Variants in ZFAT observed in about 807,000 individuals in gnomAD.
The protein encoded by ZFAT is zinc finger protein ZFAT.
In ZFAT, 64 loss-of-function variants were observed where a neutral mutation model predicts 117.7. That is an observed-to-expected ratio of 0.54 (90% CI 0.44 to 0.67). The LOEUF (loss-of-function observed/expected upper bound fraction) is 0.67, where lower values mean the gene tolerates loss of function less well. Ranked by LOEUF, ZFAT falls within the 30% of genes least tolerant of loss-of-function variation. The pLI, the probability that ZFAT is intolerant of heterozygous loss-of-function variation, is 0.00. For synonymous variants in ZFAT, 679 were observed against 615.0 expected (o/e 1.10, Z -1.54); for missense variants, 1,433 against 1,584.5 (o/e 0.90, Z 1.62).
chr8:134,512,857 A>G (rs1819960247), intron 13 of ZFAT, among the ~76,000 whole-genome samples: 1 of 152,248 alleles, frequency 6.6e-6, no homozygotes, highest in Non-Finnish European at 1.5e-5. Context: ...TGGGAAACAG[A>G]GTATGTATGC....
At chr8:134,582,313 C>T (rs1825766759) in intron 10 of ZFAT, among the ~76,000 whole-genome samples, 1 of 152,218 alleles carries the variant, frequency 6.6e-6, no homozygotes, top group Non-Finnish European at 1.5e-5. Context: ...GAACCCTGTT[C>T]AGTGCCTGTG....
At chr8:134,494,505 C>G (rs376271011) in intron 15 of ZFAT, among the ~76,000 whole-genome samples, 8 of 152,178 alleles carry the variant, frequency 5.3e-5, no homozygotes, top group Non-Finnish European at 8.8e-5. Flanking sequence ...CTCTTCTCCC[C>G]CTAATTAAGC....
chr8:134,701,023 A>G (rs1376417884), intron 1 of ZFAT, among the ~76,000 whole-genome samples: 1 of 152,136 alleles, frequency 6.6e-6, no homozygotes, highest in Admixed American at 6.5e-5. Context: ...TATGGTAAAT[A>G]CACATAAAAT....
At chr8:134,711,547 G>A (rs1429043223) in intron 1 of ZFAT, among the ~76,000 whole-genome samples, 2 of 152,162 alleles carry the variant, frequency 1.3e-5, no homozygotes, top group East Asian at 1.9e-4. Context: ...ACCTGAGGGC[G>A]GGAGGCAGAG....
chr8:134,820,843 T>C, the ZFAT span, among the ~76,000 whole-genome samples: 1 of 152,196 alleles, frequency 6.6e-6, no homozygotes, highest in Non-Finnish European at 1.5e-5. Flanking sequence ...TGCCTAGTAA[T>C]TGGTAGTATT....
intron 1 of ZFAT, among the ~76,000 whole-genome samples, chr8:134,664,442 G>T (rs1750119154): frequency 6.6e-6 from 1 of 152,194 alleles, no homozygotes; most frequent in Admixed American, 6.5e-5. Context: ...AGACTCCCCA[G>T]GGGCGCTCTA....
chr8:134,608,620 A>T, intron 5 of ZFAT, 109 bp downstream of exon 5: 20 of 1,333,814 alleles, frequency 1.5e-5, no homozygotes, highest in African/African-American at 3.0e-5. Context: ...CTTATAAACA[A>T]GTTTATAAGC....
At chr8:134,739,321 A>C in the ZFAT span, among the ~76,000 whole-genome samples, 3,955 of 151,886 alleles carry the variant, frequency 0.026, 119 homozygotes, top group African/African-American at 0.061. Flanking sequence ...GTGTGTGTAC[A>C]CATGCATGTC....
chr8:134,688,882 T>C (rs951143623), intron 1 of ZFAT, among the ~76,000 whole-genome samples: 1 of 152,118 alleles, frequency 6.6e-6, no homozygotes, highest in African/African-American at 2.4e-5. Context: ...TCATGAGACG[T>C]GTCCAGCCAT....
In ZFAT at chr8:134,588,265, A is replaced by C. The variant is rs781380268; in HGVS notation, c.2694T>G (p.Arg898=). 6.4e-7 allele frequency: 1 copy of C among 1,569,324 alleles called. No individual in the cohort carries two copies. Among genetic ancestry groups the C allele is most frequent in the Non-Finnish European group, 8.7e-7 (1 of 1,155,918 alleles). ...ACTCACCTTCATGAGCCCAAATATG[A>C]CGCTGAAGGTCTGAGCCATTCTTCA... ...YFMKNGSDLQ[R]HIWAHEGVKP... Residue 898 remains arginine (R), a synonymous_variant, in exon 9 of 16, where the codon CGT becomes CGG. Transcript: ENST00000377838.
rs954944831 is a variant in ZFAT at position 134,514,852 on chromosome 8, C to T, written c.3235-2251G>A. 3.9e-5 allele frequency among the ~76,000 whole-genome samples: 6 copies of T among 152,106 alleles called. No individual in the cohort carries two copies. The South Asian group carries it at 1.2e-3, about 32-fold the overall frequency. On this transcript the variant is annotated intron_variant, in intron 13 of 15. Transcript: ENST00000377838. The stretch of plus-strand genomic sequence containing the variant: ...TACTCTAAGTTCTGGGGTACATGTG[C>T]AGAACATGCAGGTTTGTTACATAAG...
At chr8:134,819,354 G>A in the ZFAT span, among the ~76,000 whole-genome samples, 1 of 152,080 alleles carries the variant, frequency 6.6e-6, no homozygotes, top group South Asian at 2.1e-4. Flanking sequence ...AGATAGGAAG[G>A]AGACAGCAAA....
At chr8:134,697,584 G>A (rs1230376775) in intron 1 of ZFAT, among the ~76,000 whole-genome samples, 6 of 150,876 alleles carry the variant, frequency 4.0e-5, no homozygotes, top group Admixed American at 2.6e-4. Flanking sequence ...AAAATTAGCC[G>A]GGCGTGGTAG....
chr8:134,609,010 C>T (rs1828117548), intron 4 of ZFAT, 131 bp from the exon 5 acceptor site: 1 of 1,118,002 alleles, frequency 8.9e-7, no homozygotes, highest in African/African-American at 1.6e-5. Flanking sequence ...ATAGTTTTCA[C>T]TCAGCTCGCA....
rs749287442 is a variant in ZFAT, at chr8:134,602,591, C to T, written c.1128G>A (p.Ala376=). ...VKNLIKHIRD[A]HDPQDKKVKE... Reference sequence around the variant, plus strand: ...TGACCTTCTTGTCCTGTGGGTCATGCGCGTCTCGGATGTGCTTGATGAGGT... The same window carrying T: ...TGACCTTCTTGTCCTGTGGGTCATGTGCGTCTCGGATGTGCTTGATGAGGT... The change falls in exon 6 of 16, where the codon GCG becomes GCA. Residue 376 remains alanine (A), a synonymous_variant. Coordinates refer to ENST00000377838, the MANE Select transcript of ZFAT (RefSeq NM_020863.4). The T allele has an allele frequency of 1.5e-5, 24 of 1,614,116 alleles. No individual in the cohort carries two copies. The highest frequency in any genetic ancestry group is 1.9e-5 in the Non-Finnish European group (23 of 1,180,046).
chr8:134,517,502 G>C, intron 13 of ZFAT, among the ~76,000 whole-genome samples: 1 of 152,156 alleles, frequency 6.6e-6, no homozygotes, highest in East Asian at 1.9e-4. Flanking sequence ...AGTTCCTGGA[G>C]ACCCTTTACC....
the ZFAT span, among the ~76,000 whole-genome samples, chr8:134,740,914 G>A: frequency 6.6e-6 from 1 of 152,234 alleles, no homozygotes; most frequent in Non-Finnish European, 1.5e-5. Flanking sequence ...GATCCAGCTT[G>A]TCAACACCAC....
At chr8:134,576,386 C>T (rs549203965) in intron 10 of ZFAT, among the ~76,000 whole-genome samples, 52 of 152,280 alleles carry the variant, frequency 3.4e-4, no homozygotes, top group African/African-American at 1.2e-3. Context: ...CACCCAGACT[C>T]CAGCCCAGTG....
chr8:134,588,592 T>C (rs1826231305), intron 8 of ZFAT, among the ~76,000 whole-genome samples, 197 bp from the exon 9 acceptor site: 1 of 152,158 alleles, frequency 6.6e-6, no homozygotes. Context: ...ACATCATGTA[T>C]GAGGAATGGA....
Sources: gnomAD v4.1 joint callset for allele counts (sites outside exome capture counted in the v4.1 genomes callset) on GRCh38, gnomAD v4.1.1 for gene constraint, MANE v1.5 for transcripts, NCBI Gene and HGNC (gene_info 2026-07-23, HGNC 2026-07-21) for gene names.